SPTBN2: variants seen among roughly 807,000 people sequenced by gnomAD.
SPTBN2 encodes spectrin beta, non-erythrocytic 2.
In SPTBN2, 107 loss-of-function variants were observed where a neutral mutation model predicts 284.2. That is an observed-to-expected ratio of 0.38 (90% CI 0.32 to 0.44). The LOEUF is 0.44. SPTBN2 is among the 20% of genes least tolerant of loss of function. The pLI is 1.00. For missense variants in SPTBN2, 2,569 were observed against 3,287.1 expected (o/e 0.78, Z 5.34); for synonymous variants, 1,289 against 1,354.8 (o/e 0.95, Z 1.07).
intron 27 of SPTBN2, 122 bp from the exon 28 acceptor site, chr11:66,690,405 G>T (rs1940462828): frequency 1.6e-5 from 22 of 1,356,410 alleles, no homozygotes; most frequent in Non-Finnish European, 2.1e-5. Context: ...AGGGGGAGGA[G>T]CCAGGGAGTG....
chr11:66,714,476 A>G (rs1351411175), intron 5 of SPTBN2, 69 bp from the exon 6 acceptor site: 2 of 1,370,372 alleles, frequency 1.5e-6, no homozygotes, highest in Non-Finnish European at 1.0e-6. Flanking sequence ...AGATGCTCAG[A>G]TAAATGGCAG....
intron 3 of SPTBN2, among the ~76,000 whole-genome samples, chr11:66,717,043 C>T (rs535480358): frequency 6.6e-6 from 1 of 152,214 alleles, no homozygotes; most frequent in South Asian, 2.1e-4. Context: ...GATCCAGTTC[C>T]AGGACATAAA....
rs1200443114 is a variant in SPTBN2, at chr11:66,708,521, C to A, written c.1192-222G>T. Among the ~76,000 whole-genome samples the A allele has an allele frequency of 6.6e-6, 1 of 152,226 alleles. No individual in the cohort carries two copies. The highest frequency in any genetic ancestry group is 1.5e-5 in the Non-Finnish European group (1 of 68,038). On this transcript the variant is annotated intron_variant, in intron 11 of 37. Coordinates refer to ENST00000533211, the MANE Select transcript of SPTBN2 (RefSeq NM_006946.4). This position sits in a 1 kb window ranked among gnomAD's most constrained non-coding sequence, Gnocchi z 4.4. ...CTGGAGGGAGCACGAACAGTGGAAACCATCTGATTCCTTTGTGTTGGCAGG... is the reference window on the plus strand; with the variant it reads ...CTGGAGGGAGCACGAACAGTGGAAAACATCTGATTCCTTTGTGTTGGCAGG...
At position 66,685,914 on chromosome 11, in the gene SPTBN2, C is replaced by T. The variant is rs1415587197; in HGVS notation, c.7130G>A (p.Arg2377Gln). 1.9e-6 allele frequency: 3 copies of T among 1,613,934 alleles called. No homozygotes were observed. The highest frequency in any genetic ancestry group is 1.7e-6 in the Non-Finnish European group (2 of 1,180,024). The change falls in exon 38 of 38, where the codon CGA becomes CAA. Residue 2377 changes from arginine (R) to glutamine (Q), a missense_variant. Coordinates refer to ENST00000533211, the MANE Select transcript of SPTBN2 (RefSeq NM_006946.4). This position sits in a 1 kb window ranked among gnomAD's most constrained non-coding sequence, Gnocchi z 4.4. Reference sequence around the variant, plus strand: ...GAAGCTGAAGCGTTTTTCTCGCTCTCGTTCTCTGCCGTCTTTGCTGCGGAG... The same window carrying T: ...GAAGCTGAAGCGTTTTTCTCGCTCTTGTTCTCTGCCGTCTTTGCTGCGGAG... ...VVLRSKDGRE[R>Q]EREKRFSFFK...
At position 66,691,931 on chromosome 11, in the gene SPTBN2, TC is replaced by T. The variant is rs1940578841; in HGVS notation, c.5191-274del. On this transcript the variant is annotated intron_variant, in intron 26 of 37. Transcript: ENST00000533211. This position sits in a 1 kb window ranked among gnomAD's most constrained non-coding sequence, Gnocchi z 8.0. The stretch of plus-strand genomic sequence containing the variant: ...GGATACCCTAACTATGGTCCATATT[TC>T]TGTACGACTGAGGGTCCAAGCCCCC... Among the ~76,000 whole-genome samples, 3 of 152,158 alleles carry T rather than the reference TC, an allele frequency of 2.0e-5. No homozygotes were observed. The South Asian group carries it at 6.2e-4, about 31-fold the overall frequency.
At chr11:66,723,520 G>A (rs951535568) in intron 1 of SPTBN2, among the ~76,000 whole-genome samples, 2 of 152,052 alleles carry the variant, frequency 1.3e-5, no homozygotes, top group South Asian at 4.2e-4. Flanking sequence ...TGAAGGTCAG[G>A]GTTGTCTGCC....
chr11:66,687,831 TCA>T lies in SPTBN2; in HGVS notation c.6501+35_6501+36del, dbSNP rs1940241849. ...CACCACCCCCTCTGGACCCTTCGCC[TCA>T]CAGTTATCAACACCACACTTGCAGG... On this transcript the variant is annotated intron_variant, in intron 34 of 37. Coordinates refer to ENST00000533211, the MANE Select transcript of SPTBN2 (RefSeq NM_006946.4). The surrounding 1 kb of genome is among the most constrained non-coding windows in gnomAD (Gnocchi z 5.2). 2.5e-6 allele frequency: 4 copies of T among 1,612,888 alleles called. No individual in the cohort carries two copies. The highest frequency in any genetic ancestry group is 2.2e-5 in the South Asian group (2 of 91,036).
intron 1 of SPTBN2, among the ~76,000 whole-genome samples, chr11:66,724,414 T>G (rs1449623346): frequency 1.3e-5 from 2 of 151,658 alleles, no homozygotes; most frequent in South Asian, 4.2e-4. Flanking sequence ...CAGAGTGAAA[T>G]TTGTCTCAGA....
rs1188005975 is a variant in SPTBN2, at chr11:66,700,206, C to T, written c.3573+320G>A. Among the ~76,000 whole-genome samples, 6 of 152,070 alleles carry T rather than the reference C, an allele frequency of 3.9e-5. No homozygotes were observed. Among genetic ancestry groups the T allele is most frequent in the East Asian group, 1.9e-4 (1 of 5,196 alleles). The stretch of plus-strand genomic sequence containing the variant: ...CTGAGCTCAAGTTATTCTCCTGCCT[C>T]GGCCTCCCAAAATACTGGGAGTACA... On this transcript the variant is annotated intron_variant, in intron 17 of 37. Coordinates refer to ENST00000533211, the MANE Select transcript of SPTBN2 (RefSeq NM_006946.4). The surrounding 1 kb of genome is among the most constrained non-coding windows in gnomAD (Gnocchi z 6.6).
In SPTBN2 at chr11:66,708,207, G is replaced by C; in HGVS notation, c.1284C>G (p.Ala428=). 2 of 1,612,180 alleles carry C rather than the reference G, an allele frequency of 1.2e-6. No individual in the cohort carries two copies. Among genetic ancestry groups the C allele is most frequent in the South Asian group, 2.2e-5 (2 of 91,058 alleles). Residue 428 remains alanine, a synonymous_variant, in exon 12 of 38, where the codon GCC becomes GCG. Coordinates refer to ENST00000533211, the MANE Select transcript of SPTBN2 (RefSeq NM_006946.4). The surrounding 1 kb of genome is among the most constrained non-coding windows in gnomAD (Gnocchi z 4.4). ...IRQEKLEQLA[A]RFDRKAAMRE... ...GCATGGCAGCCTTGCGGTCGAAGCG[G>C]GCGGCCAGCTGCTCCAGCTTCTCCT...
chr11:66,715,170 G>T lies in SPTBN2; in HGVS notation c.483+52C>A. ...TCATGGGCCAGCAGGAACGGCTTGC[G>T]GTGCAGAGCCAGGGCAGGAACCACA... On this transcript the variant is annotated intron_variant, in intron 5 of 37. Coordinates refer to ENST00000533211, the MANE Select transcript of SPTBN2 (RefSeq NM_006946.4). This position sits in a 1 kb window ranked among gnomAD's most constrained non-coding sequence, Gnocchi z 5.3. 6.2e-7 allele frequency: 1 copy of T among 1,601,214 alleles called. No individual in the cohort carries two copies. Among genetic ancestry groups the T allele is most frequent in the Non-Finnish European group, 8.6e-7 (1 of 1,168,588 alleles).
Position 66,684,536 on chromosome 11 carries a change from G to A in SPTBN2, c.*1335C>T, listed in dbSNP as rs1335128968. On this transcript the variant is annotated 3_prime_UTR_variant, in exon 38 of 38. Coordinates refer to ENST00000533211, the MANE Select transcript of SPTBN2 (RefSeq NM_006946.4). Reference sequence around the variant, plus strand: ...TGTGGTTCAGGCTACTCGGGAGGCTGAGGTGGGAGGATTGCTTGAACCCAG... The same window carrying A: ...TGTGGTTCAGGCTACTCGGGAGGCTAAGGTGGGAGGATTGCTTGAACCCAG... 1.3e-5 allele frequency among the ~76,000 whole-genome samples: 2 copies of A among 151,894 alleles called. No individual in the cohort carries two copies. The highest frequency in any genetic ancestry group is 2.9e-5 in the Non-Finnish European group (2 of 67,982).
At chr11:66,686,178 G>A (rs1026384240) in intron 37 of SPTBN2, 74 bp from the exon 38 acceptor site, 2 of 1,487,900 alleles carry the variant, frequency 1.3e-6, no homozygotes, top group Admixed American at 1.8e-5. Context: ...GCAGGGAAGT[G>A]TAAGAGGAGG....
intron 1 of SPTBN2, among the ~76,000 whole-genome samples, chr11:66,740,902 G>A (rs1001773053): frequency 6.6e-6 from 1 of 152,132 alleles, no homozygotes; most frequent in Non-Finnish European, 1.5e-5. Context: ...CTTAAGAAGT[G>A]TCTAGGAGAC....
At position 66,693,579 on chromosome 11, in the gene SPTBN2, T is replaced by C; in HGVS notation, c.4594-133A>G. 2.1e-6 allele frequency: 3 copies of C among 1,446,986 alleles called. No homozygotes were observed. The highest frequency in any genetic ancestry group is 2.8e-6 in the Non-Finnish European group (3 of 1,069,050). 89.6% of individuals were successfully genotyped at this position (1,446,986 alleles called of 1,614,324 possible). On this transcript the variant is annotated intron_variant, in intron 23 of 37. Transcript: ENST00000533211. This position sits in a 1 kb window ranked among gnomAD's most constrained non-coding sequence, Gnocchi z 5.7. ...TCCCTCTCCTAGCCTGGGGGTGCGA[T>C]GGTAACACCCGTCAGCCGCCCAGCC...
At chr11:66,692,068 T>C (rs2135347247) in intron 26 of SPTBN2, among the ~76,000 whole-genome samples, 1 of 152,284 alleles carries the variant, frequency 6.6e-6, no homozygotes, top group East Asian at 1.9e-4. Flanking sequence ...CCCCTTTCTG[T>C]ACAATTCTTC....
chr11:66,719,737 A>C (rs967869869), intron 3 of SPTBN2, among the ~76,000 whole-genome samples: 1 of 152,216 alleles, frequency 6.6e-6, no homozygotes, highest in Non-Finnish European at 1.5e-5. Context: ...CATGTGTGCA[A>C]ACATGGTGGG....
At chr11:66,701,428 A>G in intron 16 of SPTBN2, 146 bp from the exon 17 acceptor site, 1 of 1,493,464 alleles carries the variant, frequency 6.7e-7, no homozygotes, top group African/African-American at 1.4e-5. Flanking sequence ...CCCCTCTCTC[A>G]TCTCTTTCAT....
chr11:66,708,366 A>G lies in SPTBN2; in HGVS notation c.1192-67T>C, dbSNP rs1941680308. 1.4e-6 allele frequency: 2 copies of G among 1,453,172 alleles called. No homozygotes were observed. Among genetic ancestry groups the G allele is most frequent in the Non-Finnish European group, 1.8e-6 (2 of 1,085,474 alleles). The allele number at this position is 1,453,172 out of a possible 1,614,324, so 90.0% of individuals were successfully genotyped here. On this transcript the variant is annotated intron_variant, in intron 11 of 37. Coordinates refer to ENST00000533211, the MANE Select transcript of SPTBN2 (RefSeq NM_006946.4). This position sits in a 1 kb window ranked among gnomAD's most constrained non-coding sequence, Gnocchi z 4.4. ...GAGGGCTCAGTGGGGCTGGAGGCAC[A>G]TGGTAAGTCCCATGGAAGCTCGGTC...
Sources: gnomAD v4.1 joint callset for allele counts (sites outside exome capture counted in the v4.1 genomes callset) on GRCh38, gnomAD v4.1.1 for gene constraint, Gnocchi (gnomAD v3.1) non-coding constraint, MANE v1.5 for transcripts, NCBI Gene and HGNC (gene_info 2026-07-23, HGNC 2026-07-21) for gene names.